RCOR1: variants seen among roughly 807,000 people sequenced by gnomAD.
RCOR1 encodes the protein REST corepressor 1, also known as REST corepressor.
A neutral mutation model predicts 64.0 loss-of-function variants in RCOR1; 12 were observed. The ratio of observed to expected loss-of-function variants is 0.19; its 90% CI spans 0.12 to 0.30. The LOEUF (loss-of-function observed/expected upper bound fraction) is 0.30. Ranked by LOEUF, RCOR1 falls within the 10% of genes least tolerant of loss-of-function variation. The pLI, the probability that RCOR1 is intolerant of heterozygous loss-of-function variation, is 1.00. For missense variants in RCOR1, 502 were observed against 621.2 expected (o/e 0.81, Z 2.04); for synonymous variants, 279 against 227.2 (o/e 1.23, Z -2.05).
At chr14:102,628,085 G>A (rs77213657) in intron 2 of RCOR1, among the ~76,000 whole-genome samples, 3,704 of 152,076 alleles carry the variant, frequency 0.024, 149 homozygotes, top group African/African-American at 0.08. Flanking sequence ...GTTCAAGTCC[G>A]AAGGCACGAG....
chr14:102,629,291 TC>T (rs993236395), intron 2 of RCOR1, among the ~76,000 whole-genome samples: 1 of 152,190 alleles, frequency 6.6e-6, no homozygotes, highest in African/African-American at 2.4e-5. Context: ...CACTTCCTGT[TC>T]CCCTTCCTTG....
At chr14:102,611,752 TC>T (rs1893639880) in intron 2 of RCOR1, among the ~76,000 whole-genome samples, 1 of 152,194 alleles carries the variant, frequency 6.6e-6, no homozygotes, top group Non-Finnish European at 1.5e-5. Flanking sequence ...TATGTGGTTT[TC>T]CACTCTGGCT....
At chr14:102,662,073 A>T (rs1894835954) in intron 2 of RCOR1, among the ~76,000 whole-genome samples, 1 of 152,092 alleles carries the variant, frequency 6.6e-6, no homozygotes, top group African/African-American at 2.4e-5. Context: ...GAGTTGTTAT[A>T]GACTGGGTGA....
chr14:102,707,489 A>G lies in RCOR1; in HGVS notation c.637A>G (p.Thr213Ala). ...GCAAGCCTTTAGTTTTCATGGGAAA[A>G]CTTTTCATAGAATCCAACAAATGGT... ...FEQAFSFHGK[T>A]FHRIQQMLPD... is the part of the protein sequence containing the mutation. The change falls in exon 5 of 12, where the codon ACT (threonine) becomes GCT (alanine). Residue 213 changes from threonine to alanine, a missense_variant. Coordinates refer to ENST00000262241, the MANE Select transcript of RCOR1 (RefSeq NM_015156.4). 1 of 1,606,330 alleles carries G rather than the reference A, an allele frequency of 6.2e-7. No homozygotes were observed. Among genetic ancestry groups the G allele is most frequent in the Non-Finnish European group, 8.5e-7 (1 of 1,177,942 alleles).
chr14:102,715,474 G>T (rs969302695), intron 8 of RCOR1, among the ~76,000 whole-genome samples: 3 of 149,294 alleles, frequency 2.0e-5, no homozygotes, highest in African/African-American at 7.4e-5. Context: ...CTTTGCTTCC[G>T]GGGCTCAAAT....
At chr14:102,675,671 A>C (rs1305560404) in intron 2 of RCOR1, among the ~76,000 whole-genome samples, 2 of 152,208 alleles carry the variant, frequency 1.3e-5, no homozygotes, top group Non-Finnish European at 2.9e-5. Flanking sequence ...AACTGAAATC[A>C]CAGAAAGCAA....
At chr14:102,629,811 A>C (rs1380462620) in intron 2 of RCOR1, among the ~76,000 whole-genome samples, 3 of 152,186 alleles carry the variant, frequency 2.0e-5, no homozygotes, top group Non-Finnish European at 2.9e-5. Context: ...TTTAATCCTC[A>C]TAACAATCCT....
chr14:102,615,203 G>C (rs1239432744), intron 2 of RCOR1, among the ~76,000 whole-genome samples: 1 of 139,932 alleles, frequency 7.1e-6, no homozygotes, highest in Admixed American at 8.3e-5. Context: ...AACGATCTTG[G>C]CTCACTGCAA....
chr14:102,647,788 C>T (rs1378361700), intron 2 of RCOR1, among the ~76,000 whole-genome samples: 1 of 152,198 alleles, frequency 6.6e-6, no homozygotes, highest in Non-Finnish European at 1.5e-5. Flanking sequence ...AGGGAGTTAT[C>T]CTGCCTCAGC....
In RCOR1 at chr14:102,726,416, T is replaced by G. The variant is rs527858327; in HGVS notation, c.1420-52T>G. Reference sequence around the variant, plus strand: ...AGTACACTGGAAATAGCAGCTTGTGTTGTTTACCTACTCTTTGATCCTTTT... The same window carrying G: ...AGTACACTGGAAATAGCAGCTTGTGGTGTTTACCTACTCTTTGATCCTTTT... On this transcript the variant is annotated intron_variant, in intron 11 of 11. Coordinates refer to ENST00000262241, the MANE Select transcript of RCOR1 (RefSeq NM_015156.4). 6 of 1,522,102 alleles carry G rather than the reference T, an allele frequency of 3.9e-6. 1 individual carries two copies. In the East Asian group the frequency reaches 6.7e-5, roughly 17 times the overall value. 94.3% of individuals were successfully genotyped at this position (1,522,102 alleles called of 1,614,324 possible). A position where few individuals can be genotyped will look rare whatever the true frequency, so the allele number is the denominator to read the frequency against.
chr14:102,676,544 C>T (rs1161709610), intron 2 of RCOR1, among the ~76,000 whole-genome samples: 2 of 65,376 alleles, frequency 3.1e-5, no homozygotes, highest in Non-Finnish European at 5.7e-5. Flanking sequence ...GGCGGCTGGC[C>T]GGGCAGAGGG....
At chr14:102,681,692 A>C (rs1409813057) in intron 2 of RCOR1, among the ~76,000 whole-genome samples, 1 of 152,202 alleles carries the variant, frequency 6.6e-6, no homozygotes, top group Non-Finnish European at 1.5e-5. Context: ...AAAATCAGTA[A>C]AAGTAGGAAA....
chr14:102,655,251 A>G (rs1008489246), intron 2 of RCOR1: 2 of 982,616 alleles, frequency 2.0e-6, no homozygotes, highest in Non-Finnish European at 2.4e-6. Flanking sequence ...CTGGCCTTCC[A>G]TTTTCCCTTC....
rs931962759 is a variant in RCOR1 at position 102,707,395 on chromosome 14, A to T, written c.543A>T (p.Ser181=). ...LFWHKHNIEK[S]LADLPNFTPF... is the part of the protein sequence containing the mutation. ...GGCATAAACATAATATCGAAAAGTC[A>T]TTGGCTGATTTGCCCAACTTTACCC... The change falls in exon 5 of 12, where the codon TCA becomes TCT. Residue 181 remains serine (S), a synonymous_variant. Coordinates refer to ENST00000262241, the MANE Select transcript of RCOR1 (RefSeq NM_015156.4). 2.5e-6 allele frequency: 4 copies of T among 1,613,348 alleles called. No individual in the cohort carries two copies. The highest frequency in any genetic ancestry group is 3.4e-6 in the Non-Finnish European group (4 of 1,179,776).
intron 2 of RCOR1, among the ~76,000 whole-genome samples, chr14:102,621,841 G>T (rs1323800597): frequency 6.6e-6 from 1 of 152,146 alleles, no homozygotes; most frequent in African/African-American, 2.4e-5. Context: ...ATAGATCTCA[G>T]TTGGTCTCTG....
chr14:102,615,128 G>GCCCCCCCC (rs11382616), intron 2 of RCOR1, among the ~76,000 whole-genome samples: 1 of 132,494 alleles, frequency 7.5e-6, no homozygotes, highest in Non-Finnish European at 1.6e-5. Context: ...ATAGTGCCCG[G>GCCCCCCCC]CCCCCCCGCC....
intron 2 of RCOR1, among the ~76,000 whole-genome samples, chr14:102,641,243 G>C (rs1366113241): frequency 6.6e-6 from 1 of 151,110 alleles, no homozygotes; most frequent in Non-Finnish European, 1.5e-5. Context: ...GGCAGAGTGA[G>C]ACTCGGCCTT....
At chr14:102,683,737 A>C (rs1161098478) in intron 3 of RCOR1, among the ~76,000 whole-genome samples, 3 of 152,198 alleles carry the variant, frequency 2.0e-5, no homozygotes, top group African/African-American at 7.2e-5. Context: ...GCTTAGGGAG[A>C]TGTCCCTTGA....
At position 102,592,677 on chromosome 14, in the gene RCOR1, G is replaced by C. The variant is rs1216104970; in HGVS notation, c.-210G>C. On this transcript the variant is annotated 5_prime_UTR_variant, in exon 1 of 12. Transcript: ENST00000262241. ...GCCAGTGAAGTGAGGGCGGCGATGA[G>C]AGCGAAAGTTGCGCTCGGCTCGTCG... The C allele has an allele frequency of 4.9e-6, 6 of 1,228,268 alleles. No homozygotes were observed. The highest frequency in any genetic ancestry group is 6.1e-6 in the Non-Finnish European group (6 of 985,906). The allele number at this position is 1,228,268 out of a possible 1,614,324, so 76.1% of individuals were successfully genotyped here.
Sources: allele counts gnomAD v4.1 joint callset (sites outside exome capture counted in the v4.1 genomes callset), GRCh38; gene constraint gnomAD v4.1.1; transcripts MANE v1.5; gene names NCBI Gene and HGNC (gene_info 2026-07-23, HGNC 2026-07-21).